Variants in USP12 observed in about 807,000 individuals in gnomAD.
The protein encoded by USP12 is ubiquitin carboxyl-terminal hydrolase 12.
Under a neutral mutation model 45.5 loss-of-function variants are expected in USP12, and 19 were observed. The observed-to-expected ratio is 0.42, with a 90% confidence interval of 0.29 to 0.61. The LOEUF is 0.61. USP12 is among the 20% of genes least tolerant of loss of function. The pLI, the probability that USP12 is intolerant of heterozygous loss-of-function variation, is 0.22. For missense variants in USP12, 242 were observed against 447.7 expected (o/e 0.54, Z 4.15); for synonymous variants, 149 against 148.8 (o/e 1.00, Z -0.01).
At chr13:27,095,180 A>AT (rs1366973196) in intron 4 of USP12, among the ~76,000 whole-genome samples, 4 of 152,124 alleles carry the variant, frequency 2.6e-5, no homozygotes, top group East Asian at 1.9e-4. Context: ...AGCAAGTGGG[A>AT]TTTTTTCCCC....
intron 1 of USP12, chr13:27,117,703 G>T: frequency 1.9e-6 from 1 of 518,292 alleles, no homozygotes; most frequent in South Asian, 1.4e-5. Flanking sequence ...CTGGAAGAGG[G>T]ATGGACCATG....
intron 6 of USP12, among the ~76,000 whole-genome samples, chr13:27,080,310 A>G (rs1873690975): frequency 6.6e-6 from 1 of 152,220 alleles, no homozygotes; most frequent in Non-Finnish European, 1.5e-5. Flanking sequence ...TTGACATGAT[A>G]CTACACAAGT....
intron 1 of USP12, among the ~76,000 whole-genome samples, chr13:27,141,575 C>G (rs1334631692): frequency 1.3e-5 from 2 of 152,112 alleles, no homozygotes; most frequent in Non-Finnish European, 2.9e-5. Context: ...CAGGAGCCAG[C>G]TTGAAGCTAT....
At chr13:27,167,172 G>T (rs778558583) in intron 1 of USP12, among the ~76,000 whole-genome samples, 1 of 151,978 alleles carries the variant, frequency 6.6e-6, no homozygotes, top group Non-Finnish European at 1.5e-5. Context: ...TGAGGCAGGG[G>T]AATCACTTGA....
intron 1 of USP12, among the ~76,000 whole-genome samples, chr13:27,128,165 T>A (rs1876328753): frequency 6.6e-6 from 1 of 152,128 alleles, no homozygotes; most frequent in South Asian, 2.1e-4. Context: ...GATCACTGGA[T>A]GCCAAAAAAA....
At chr13:27,100,512 C>T (rs1593183811) in intron 3 of USP12, among the ~76,000 whole-genome samples, 2 of 152,326 alleles carry the variant, frequency 1.3e-5, no homozygotes, top group South Asian at 4.1e-4. Context: ...CATCTCCCTC[C>T]TCCTCATCCA....
At chr13:27,072,058 G>A (rs1171916120) in intron 7 of USP12, among the ~76,000 whole-genome samples, 2 of 151,894 alleles carry the variant, frequency 1.3e-5, no homozygotes, top group African/African-American at 4.8e-5. Flanking sequence ...ATTTGATCCT[G>A]TAGGTGAGAT....
chr13:27,159,251 C>A (rs895564866), intron 1 of USP12, among the ~76,000 whole-genome samples: 5 of 152,044 alleles, frequency 3.3e-5, no homozygotes, highest in African/African-American at 1.2e-4. Context: ...CTTTTAAAAT[C>A]CTCACTCTGG....
intron 1 of USP12, among the ~76,000 whole-genome samples, chr13:27,130,057 C>T (rs921056031): frequency 3.9e-5 from 6 of 152,178 alleles, no homozygotes; most frequent in Non-Finnish European, 2.9e-5. Flanking sequence ...GAGAAGAGAG[C>T]ACAGCATGCA....
chr13:27,069,393 T>C lies in USP12; in HGVS notation c.1012-9A>G. The C allele has an allele frequency of 1.2e-6, 2 of 1,600,638 alleles. No homozygotes were observed. Among genetic ancestry groups the C allele is most frequent in the Non-Finnish European group, 1.7e-6 (2 of 1,167,980 alleles). ...GCTTGTGCATCTATTTTCTGTGAGG[T>C]AAAATGTAAACATTAGTACATAAAT... On this transcript the variant is annotated splice_polypyrimidine_tract_variant and intron_variant, in intron 8 of 8. Transcript: ENST00000282344.
intron 1 of USP12, among the ~76,000 whole-genome samples, chr13:27,136,493 C>T (rs564397659): frequency 3.3e-5 from 5 of 152,026 alleles, no homozygotes; most frequent in South Asian, 2.1e-4. Flanking sequence ...AATGAAAGCC[C>T]GCCTCAAATA....
chr13:27,081,483 C>G (rs1227681252), intron 6 of USP12, among the ~76,000 whole-genome samples: 1 of 152,222 alleles, frequency 6.6e-6, no homozygotes, highest in African/African-American at 2.4e-5. Context: ...ACCACATCTA[C>G]AGTGACTTCC....
At chr13:27,109,748 T>A (rs1325479343) in intron 2 of USP12, among the ~76,000 whole-genome samples, 1 of 151,794 alleles carries the variant, frequency 6.6e-6, no homozygotes. Flanking sequence ...ACCCCGTCTC[T>A]ACTAAAAATA....
At chr13:27,124,034 G>A (rs948738962) in intron 1 of USP12, among the ~76,000 whole-genome samples, 6 of 152,080 alleles carry the variant, frequency 3.9e-5, no homozygotes, top group African/African-American at 1.4e-4. Context: ...TTAAATGTGT[G>A]AGCAACCCAA....
At chr13:27,108,415 G>A (rs1875258071) in intron 2 of USP12, among the ~76,000 whole-genome samples, 1 of 151,958 alleles carries the variant, frequency 6.6e-6, no homozygotes, top group African/African-American at 2.4e-5. Flanking sequence ...GATAGCATTA[G>A]GAGATATACC....
At chr13:27,140,269 A>AC (rs1327599748) in intron 1 of USP12, among the ~76,000 whole-genome samples, 1 of 152,160 alleles carries the variant, frequency 6.6e-6, no homozygotes, top group Non-Finnish European at 1.5e-5. Context: ...AGTACTGATG[A>AC]CGTTCTATTT....
chr13:27,131,924 G>GAC lies in USP12; in HGVS notation c.49-15330_49-15329dup, dbSNP rs374635753. On this transcript the variant is annotated intron_variant, in intron 1 of 8. Coordinates refer to ENST00000282344, the MANE Select transcript of USP12 (RefSeq NM_182488.4). ...CTGTGCTTTTGCAAGAAGAGAAATT[G>GAC]ACACACACACTACCTCCCAACTCTC... Among the ~76,000 whole-genome samples, 630 of 152,210 alleles carry GAC rather than the reference G, an allele frequency of 4.1e-3. 3 individuals are homozygous for GAC. Among genetic ancestry groups the GAC allele is most frequent in the African/African-American group, 0.014 (594 of 41,528 alleles).
intron 6 of USP12, among the ~76,000 whole-genome samples, chr13:27,085,343 G>A (rs1004855445): frequency 4.6e-5 from 7 of 151,892 alleles, no homozygotes; most frequent in African/African-American, 4.8e-5. Flanking sequence ...ACCACGCCTG[G>A]CTAATTTTTG....
intron 8 of USP12, among the ~76,000 whole-genome samples, chr13:27,070,546 C>T (rs1332394719): frequency 2.0e-5 from 3 of 149,928 alleles, no homozygotes; most frequent in Admixed American, 6.6e-5. Context: ...AAAGCTTTCC[C>T]TTGTTTTATT....
Sources: gnomAD v4.1 joint callset for allele counts (sites outside exome capture counted in the v4.1 genomes callset) on GRCh38, gnomAD v4.1.1 for gene constraint, MANE v1.5 for transcripts, NCBI Gene and HGNC (gene_info 2026-07-23, HGNC 2026-07-21) for gene names.